The following ORC2 variants were observed in gnomAD, a reference collection of about 807,000 sequenced individuals.
ORC2 encodes the protein origin recognition complex subunit 2, also known as origin recognition complex protein 2 homolog.
A neutral mutation model predicts 77.7 loss-of-function variants in ORC2; 37 were observed. The observed-to-expected ratio is 0.48, with a 90% CI of 0.37 to 0.63. The LOEUF (loss-of-function observed/expected upper bound fraction) is 0.63. Ranked by LOEUF, ORC2 falls within the 20% of genes least tolerant of loss-of-function variation. The probability of loss-of-function intolerance (pLI) is 0.00; values close to 1 mark genes in which losing one functional copy is unlikely to be tolerated. For missense variants in ORC2, 557 were observed against 661.9 expected (o/e 0.84, Z 1.74); for synonymous variants, 201 against 229.5 (o/e 0.88, Z 1.12).
chr2:200,939,356 C>A (rs1199728325), intron 7 of ORC2, among the ~76,000 whole-genome samples: 1 of 152,158 alleles, frequency 6.6e-6, no homozygotes, highest in Non-Finnish European at 1.5e-5. Flanking sequence ...ATAACCACTG[C>A]AGAAAATTCC....
At chr2:200,940,761 C>G (rs1462287878) in intron 7 of ORC2, among the ~76,000 whole-genome samples, 1 of 152,080 alleles carries the variant, frequency 6.6e-6, no homozygotes, top group East Asian at 1.9e-4. Context: ...GAGACCACGC[C>G]ACTGCACTCC....
At chr2:200,949,321 A>T (rs764677640) in intron 5 of ORC2, among the ~76,000 whole-genome samples, 1 of 152,172 alleles carries the variant, frequency 6.6e-6, no homozygotes, top group Non-Finnish European at 1.5e-5. Flanking sequence ...TACTACAAGA[A>T]GCTTATAATC....
At chr2:200,919,289 T>C (rs2040715042) in intron 15 of ORC2, among the ~76,000 whole-genome samples, 1 of 152,258 alleles carries the variant, frequency 6.6e-6, no homozygotes, top group Non-Finnish European at 1.5e-5. Context: ...AATATAATTC[T>C]ATAATTTTAT....
chr2:200,919,904 T>C (rs2040727125), intron 15 of ORC2, among the ~76,000 whole-genome samples: 1 of 152,180 alleles, frequency 6.6e-6, no homozygotes, highest in Admixed American at 6.6e-5. Context: ...GAATGTTCAA[T>C]ATGTAATGAA....
At chr2:200,957,658 A>G in intron 3 of ORC2, 114 bp from the exon 4 acceptor site, 1 of 803,664 alleles carries the variant, frequency 1.2e-6, no homozygotes, top group Middle Eastern at 4.0e-4. Context: ...CTGGGAAAAA[A>G]GCTTTCTCTT....
Position 200,921,085 on chromosome 2 carries a change from C to G in ORC2, c.1202G>C (p.Arg401Thr). 1 of 1,609,832 alleles carries G rather than the reference C, an allele frequency of 6.2e-7. No individual in the cohort carries two copies. The highest frequency in any genetic ancestry group is 8.5e-7 in the Non-Finnish European group (1 of 1,177,224). The part of the protein sequence containing the change: ...LIHNLDSQML[R>T]GEKSQQIIGQ... ...AATGATTTGCTGGCTCTTCTCTCCT[C>G]TCAACATCTGGCTATCCAAATTGTG... Residue 401 changes from arginine to threonine, a missense_variant, in exon 14 of 18, where the codon AGA becomes ACA. Coordinates refer to ENST00000234296, the MANE Select transcript of ORC2 (RefSeq NM_006190.5).
intron 9 of ORC2, among the ~76,000 whole-genome samples, chr2:200,934,377 C>T: frequency 6.6e-6 from 1 of 151,648 alleles, no homozygotes; most frequent in Non-Finnish European, 1.5e-5. Flanking sequence ...TGTAGTGGTG[C>T]AAATACAGCT....
At position 200,925,842 on chromosome 2, in the gene ORC2, TA is replaced by T; in HGVS notation, c.1140del (p.Phe380LeufsTer7). On this transcript the variant is annotated frameshift_variant, in exon 13 of 18. Transcript: ENST00000234296. LOFTEE classifies it high-confidence loss of function. ...LDQLDWIVNK[F>X]KEDSSLELFL... is the part of the protein sequence containing the mutation. The stretch of plus-strand genomic sequence containing the variant: ...AGCATCTACTTCATGTTACCTTCTT[TA>T]AATTTGTTTACTATCCAGTCTAGCT... The T allele has an allele frequency of 6.5e-7, 1 of 1,533,058 alleles. No individual in the cohort carries two copies. Among genetic ancestry groups the T allele is most frequent in the South Asian group, 1.1e-5 (1 of 87,236 alleles). The allele number at this position is 1,533,058 out of a possible 1,614,324, so 95.0% of individuals were successfully genotyped here. A position where few individuals can be genotyped will look rare whatever the true frequency, so the allele number is the denominator to read the frequency against.
In ORC2 at chr2:200,921,074, T is replaced by C. The variant is rs900680813; in HGVS notation, c.1213A>G (p.Ser405Gly). The C allele has an allele frequency of 1.9e-6, 3 of 1,609,974 alleles. No individual in the cohort carries two copies. The African/African-American group carries it at 4.0e-5, about 22-fold the overall frequency. The change falls in exon 14 of 18, where the codon AGC (serine) becomes GGC (glycine). Residue 405 changes from serine to glycine, a missense_variant. Coordinates refer to ENST00000234296, the MANE Select transcript of ORC2 (RefSeq NM_006190.5). ...GACAACTGACCAATGATTTGCTGGC[T>C]CTTCTCTCCTCTCAACATCTGGCTA... is the stretch of plus-strand genomic sequence containing the variant. ...LDSQMLRGEK[S>G]QQIIGQLSSL...
At chr2:200,953,987 T>C (rs1278512868) in intron 4 of ORC2, among the ~76,000 whole-genome samples, 1 of 152,062 alleles carries the variant, frequency 6.6e-6, no homozygotes, top group Non-Finnish European at 1.5e-5. Context: ...CAGCTAATTT[T>C]TGTATGTTTT....
intron 15 of ORC2, among the ~76,000 whole-genome samples, chr2:200,917,039 G>A (rs1465493125): frequency 7.1e-6 from 1 of 141,628 alleles, no homozygotes; most frequent in Non-Finnish European, 1.5e-5. Flanking sequence ...CTGTTGCACA[G>A]GCTGGAGTGC....
At chr2:200,923,826 A>G (rs1469911893) in intron 13 of ORC2, among the ~76,000 whole-genome samples, 1 of 152,182 alleles carries the variant, frequency 6.6e-6, no homozygotes, top group Non-Finnish European at 1.5e-5. Context: ...ATAGTATGAG[A>G]GTTGAAACAA....
At chr2:200,937,993 A>G (rs1261023045) in intron 7 of ORC2, 27 bp from the exon 8 acceptor site, 1 of 1,494,132 alleles carries the variant, frequency 6.7e-7, no homozygotes, top group Non-Finnish European at 9.2e-7. Flanking sequence ...AAAGCATTAA[A>G]TAATAACATG....
intron 17 of ORC2, 42 bp downstream of exon 17, chr2:200,913,253 G>A (rs751427938): frequency 2.8e-5 from 40 of 1,416,150 alleles, no homozygotes; most frequent in Admixed American, 3.8e-5. Flanking sequence ...TAAATGATAC[G>A]GACTATTCCT....
intron 16 of ORC2, 66 bp from the exon 17 acceptor site, chr2:200,913,479 C>T (rs945208075): frequency 8.7e-6 from 13 of 1,490,392 alleles, no homozygotes; most frequent in Non-Finnish European, 1.1e-5. Context: ...TACAAACACC[C>T]ATACAAAAGA....
chr2:200,953,112 CAAAAAAA>C (rs768496100), intron 4 of ORC2, among the ~76,000 whole-genome samples: 1 of 48,604 alleles, frequency 2.1e-5, no homozygotes, highest in African/African-American at 7.9e-5. Context: ...GACCCTGTCT[CAAAAAAA>C]AAAAAAAAAA....
At chr2:200,960,287 T>C (rs1392943606) in intron 1 of ORC2, among the ~76,000 whole-genome samples, 1 of 152,152 alleles carries the variant, frequency 6.6e-6, no homozygotes, top group African/African-American at 2.4e-5. Context: ...CAAAAAAATT[T>C]TTTTAAACAA....
intron 4 of ORC2, 94 bp from the exon 5 acceptor site, chr2:200,949,737 T>G (rs949885440): frequency 1.2e-5 from 7 of 606,710 alleles, no homozygotes; most frequent in Admixed American, 3.1e-5. Context: ...GTACCCCTCA[T>G]AGCCTTGCAT....
At position 200,955,862 on chromosome 2, in the gene ORC2, C is replaced by T. The variant is rs553891795; in HGVS notation, c.238+1539G>A. On this transcript the variant is annotated intron_variant, in intron 4 of 17. Transcript: ENST00000234296. ...GGAAAAACCTAACTAAAATATAATT[C>T]GAACCTAAAAAAATGTTTTATGTTA... 9.2e-5 allele frequency among the ~76,000 whole-genome samples: 14 copies of T among 152,162 alleles called. No homozygotes were observed. The South Asian group carries it at 2.7e-3, about 29-fold the overall frequency.
Sources: gnomAD v4.1 joint callset for allele counts (sites outside exome capture counted in the v4.1 genomes callset) on GRCh38, gnomAD v4.1.1 for gene constraint, MANE v1.5 for transcripts, NCBI Gene and HGNC (gene_info 2026-07-23, HGNC 2026-07-21) for gene names.